Variants in GALM observed in about 807,000 individuals in gnomAD.
GALM encodes aldose 1-epimerase.
A neutral mutation model predicts 37.4 loss-of-function variants in GALM; 43 were observed. The observed-to-expected ratio is 1.15, with a 90% CI of 0.90 to 1.48. The LOEUF is 1.48. Ranked by LOEUF, GALM falls within the 40% of genes most tolerant of loss-of-function variation. The pLI, the probability that GALM is intolerant of heterozygous loss-of-function variation, is 0.00. For synonymous variants in GALM, 199 were observed against 170.6 expected, an observed-to-expected ratio of 1.17 and a Z score of -1.30; for missense variants, 456 against 419.1, an observed-to-expected ratio of 1.09 and a Z score of -0.77.
chr2:38,729,996 C>T (rs1011942512), intron 5 of GALM, among the ~76,000 whole-genome samples: 2 of 152,134 alleles, frequency 1.3e-5, no homozygotes, highest in Non-Finnish European at 2.9e-5. Context: ...GAAGTCACCT[C>T]GGCTGTCACT....
At chr2:38,682,517 A>C (rs1665421826) in intron 3 of GALM, among the ~76,000 whole-genome samples, 1 of 152,140 alleles carries the variant, frequency 6.6e-6, no homozygotes, top group Non-Finnish European at 1.5e-5. Context: ...GGTTCTTGTA[A>C]AATTTCCAAA....
intron 4 of GALM, among the ~76,000 whole-genome samples, chr2:38,726,444 T>G (rs1181139411): frequency 6.6e-6 from 1 of 151,546 alleles, no homozygotes; most frequent in Non-Finnish European, 1.5e-5. Flanking sequence ...GCCGGGATGG[T>G]CTCGATCTCC....
intron 4 of GALM, among the ~76,000 whole-genome samples, chr2:38,720,838 G>A (rs1354578474): frequency 6.6e-6 from 1 of 152,174 alleles, no homozygotes; most frequent in Admixed American, 6.5e-5. Flanking sequence ...TATGGTGGCA[G>A]GGCTCCAAGG....
chr2:38,723,438 A>G (rs1158761285), intron 4 of GALM, among the ~76,000 whole-genome samples: 1 of 152,176 alleles, frequency 6.6e-6, no homozygotes, highest in Non-Finnish European at 1.5e-5. Flanking sequence ...AGCTCCCAGA[A>G]GTTTCTTTAG....
At chr2:38,710,565 CTAT>C (rs1666128188) in intron 4 of GALM, among the ~76,000 whole-genome samples, 1 of 152,080 alleles carries the variant, frequency 6.6e-6, no homozygotes, top group Non-Finnish European at 1.5e-5. Context: ...GGTCCTCTGG[CTAT>C]TATTTAAAAA....
chr2:38,734,233 C>T lies in GALM; in HGVS notation c.*668C>T, dbSNP rs1419510496. The T allele has an allele frequency of 6.5e-6, 1 of 154,928 alleles. No homozygotes were observed. The highest frequency in any genetic ancestry group is 1.4e-5 in the Non-Finnish European group (1 of 69,998). The allele number at this position is 154,928 out of a possible 1,614,324, so 9.6% of individuals were successfully genotyped here. On this transcript the variant is annotated 3_prime_UTR_variant, in exon 7 of 7. Transcript: ENST00000272252. ...CTAACACGGTGAAACCCCGTCTCTA[C>T]ATAAAAAATTAGCTGGGTGTGGTAG...
intron 3 of GALM, among the ~76,000 whole-genome samples, chr2:38,688,084 C>T (rs573502178): frequency 2.6e-4 from 40 of 151,530 alleles, no homozygotes; most frequent in African/African-American, 9.5e-4. Context: ...TGGTGGCACA[C>T]GCTTGTAATC....
chr2:38,725,153 A>G (rs573791086), intron 4 of GALM, among the ~76,000 whole-genome samples: 1 of 152,380 alleles, frequency 6.6e-6, no homozygotes, highest in South Asian at 2.1e-4. Context: ...AGAAGAAAGC[A>G]TAAGTTACCA....
chr2:38,707,402 C>A (rs188906032), intron 4 of GALM, among the ~76,000 whole-genome samples: 70 of 152,222 alleles, frequency 4.6e-4, no homozygotes, highest in Admixed American at 4.5e-3. Flanking sequence ...CAAAAAGGGT[C>A]TACCTTAAAG....
chr2:38,675,537 TTTTTTTTGTGTGTGTGTGTG>T (rs1665231677), intron 1 of GALM, among the ~76,000 whole-genome samples: 1 of 90,068 alleles, frequency 1.1e-5, no homozygotes, highest in African/African-American at 5.2e-5. Flanking sequence ...TTTTTTTTTT[TTTTTTTTGTGTGTGTGTGTG>T]TGTGTGTGTG....
chr2:38,676,153 C>T (rs1665256107), intron 2 of GALM, 87 bp downstream of exon 2: 1 of 1,347,526 alleles, frequency 7.4e-7, no homozygotes, highest in Non-Finnish European at 1.1e-6. Context: ...GGCCCTAGAG[C>T]ACATGAGTGG....
chr2:38,691,905 A>T (rs1665682664), intron 4 of GALM, among the ~76,000 whole-genome samples: 2 of 150,886 alleles, frequency 1.3e-5, no homozygotes, highest in Non-Finnish European at 2.9e-5. Flanking sequence ...CCAATACTAT[A>T]AAAAAAATAA....
chr2:38,676,933 G>A (rs574729445), intron 2 of GALM, among the ~76,000 whole-genome samples: 40 of 152,198 alleles, frequency 2.6e-4, no homozygotes, highest in African/African-American at 8.9e-4. Flanking sequence ...TAAGCCCCCC[G>A]CCCCATGCAG....
At chr2:38,682,328 C>A in intron 3 of GALM, 2 of 432,310 alleles carry the variant, frequency 4.6e-6, no homozygotes, top group Non-Finnish European at 9.5e-6. Context: ...ATTACTTCCT[C>A]TTTATCTGAA....
chr2:38,710,819 T>A (rs1666136940), intron 4 of GALM, among the ~76,000 whole-genome samples: 1 of 151,344 alleles, frequency 6.6e-6, no homozygotes, highest in Non-Finnish European at 1.5e-5. Context: ...AATGGTGCGA[T>A]CTTGGCTCAC....
rs1558577553 is a variant in GALM at position 38,675,529 on chromosome 2, TTTTTTTTTTTTTTTTGTGTGTGTGTG to T, written c.191-381_191-356del. Reference sequence around the variant, plus strand: ...CCTTTGGATTGAGGGTTTTTTTGTTTTTTTTTTTTTTTTTTGTGTGTGTGTGTGTGTGTGTGTGTGTGTGTGTGTGT... The same window carrying T: ...CCTTTGGATTGAGGGTTTTTTTGTTTTGTGTGTGTGTGTGTGTGTGTGTGT... On this transcript the variant is annotated intron_variant, in intron 1 of 6. Coordinates refer to ENST00000272252, the MANE Select transcript of GALM (RefSeq NM_138801.3). 1.4e-3 allele frequency among the ~76,000 whole-genome samples: 106 copies of T among 76,916 alleles called. 2 individuals carry two copies. The highest frequency in any genetic ancestry group is 6.9e-3 in the African/African-American group (101 of 14,628). 50.5% of individuals were successfully genotyped at this position (76,916 alleles called of 152,430 possible). A position where few individuals can be genotyped will look rare whatever the true frequency, so the allele number is the denominator to read the frequency against.
At chr2:38,717,292 C>A (rs1245497122) in intron 4 of GALM, among the ~76,000 whole-genome samples, 4 of 145,344 alleles carry the variant, frequency 2.8e-5, no homozygotes. Context: ...AATACCTGGT[C>A]TCTGTATTAA....
chr2:38,703,159 T>C (rs1368982769), intron 4 of GALM, among the ~76,000 whole-genome samples: 2 of 124,876 alleles, frequency 1.6e-5, no homozygotes, highest in Non-Finnish European at 3.3e-5. Flanking sequence ...CCAGGCTGGA[T>C]TGCAATGGTG....
chr2:38,713,804 C>G (rs1057121919), intron 4 of GALM, among the ~76,000 whole-genome samples: 1 of 151,762 alleles, frequency 6.6e-6, no homozygotes, highest in African/African-American at 2.4e-5. Context: ...ACTGAGGAGG[C>G]TGAGGCAGGA....
Sources: allele counts gnomAD v4.1 joint callset (sites outside exome capture counted in the v4.1 genomes callset), GRCh38; gene constraint gnomAD v4.1.1; transcripts MANE v1.5; gene names NCBI Gene and HGNC (gene_info 2026-07-23, HGNC 2026-07-21).